The following SLC14A2 variants were observed in gnomAD, a reference collection of about 807,000 sequenced individuals.
The protein encoded by SLC14A2 is urea transporter 2.
A neutral mutation model predicts 104.6 loss-of-function variants in SLC14A2; 91 were observed. That is an observed-to-expected ratio of 0.87 (90% CI 0.73 to 1.04). The LOEUF is 1.04. Among genes scored for constraint, SLC14A2 ranks in the 50% least tolerant of loss-of-function variants. The probability of loss-of-function intolerance (pLI) is 0.00; values close to 1 mark genes in which losing one functional copy is unlikely to be tolerated. For missense variants in SLC14A2, 1,189 were observed against 1,156.0 expected (o/e 1.03, Z -0.41); for synonymous variants, 476 against 466.4 (o/e 1.02, Z -0.27).
intron 1 of SLC14A2, among the ~76,000 whole-genome samples, chr18:45,424,741 T>C (rs1427982678): frequency 2.0e-5 from 3 of 152,236 alleles, no homozygotes; most frequent in Non-Finnish European, 4.4e-5. Context: ...TCAAGATTTA[T>C]CGTTTATGGG....
chr18:45,236,888 C>T (rs1305704950), intron 1 of SLC14A2, among the ~76,000 whole-genome samples: 1 of 152,092 alleles, frequency 6.6e-6, no homozygotes, highest in South Asian at 2.1e-4. Context: ...GCAGAGTCAA[C>T]CAATGTCTGT....
the SLC14A2 span, chr18:45,181,309 G>A: frequency 6.6e-6 from 1 of 152,194 alleles, no homozygotes; most frequent in South Asian, 2.1e-4. Context: ...ACACTCTATG[G>A]GGTAACCTGC....
intron 1 of SLC14A2, among the ~76,000 whole-genome samples, chr18:45,217,850 G>A (rs1302173493): frequency 6.6e-6 from 1 of 152,042 alleles, no homozygotes; most frequent in African/African-American, 2.4e-5. Flanking sequence ...CTGCTGTGTT[G>A]CTTTACCTCC....
the SLC14A2 span, among the ~76,000 whole-genome samples, chr18:45,170,157 C>T: frequency 1.3e-5 from 2 of 152,092 alleles, no homozygotes; most frequent in East Asian, 1.9e-4. Flanking sequence ...ACTCTGCTCC[C>T]GAGCATTGTT....
At chr18:45,169,722 C>T in the SLC14A2 span, among the ~76,000 whole-genome samples, 1 of 152,292 alleles carries the variant, frequency 6.6e-6, no homozygotes, top group African/African-American at 2.4e-5. Context: ...GGCTTCTTTA[C>T]CCTAAACACT....
the SLC14A2 span, among the ~76,000 whole-genome samples, chr18:45,196,325 TTCTC>T: frequency 1.2e-3 from 183 of 152,340 alleles, no homozygotes; most frequent in African/African-American, 4.2e-3. Context: ...CTCATTCTCT[TTCTC>T]TCTCATTCAA....
At position 45,682,724 on chromosome 18, in the gene SLC14A2, T is replaced by C. The variant is rs2046330031; in HGVS notation, c.*205T>C. On this transcript the variant is annotated 3_prime_UTR_variant, in exon 20 of 20. Coordinates refer to ENST00000255226, the MANE Select transcript of SLC14A2 (RefSeq NM_007163.4). The stretch of plus-strand genomic sequence containing the variant: ...ATCAAAGATATGTTTAGTTTAGACT[T>C]TATACCCTTAGCTTTCCCATAAGAG... 3.6e-6 allele frequency: 2 copies of C among 557,868 alleles called. No individual in the cohort carries two copies. The highest frequency in any genetic ancestry group is 6.5e-6 in the Non-Finnish European group (2 of 310,008). 34.6% of individuals were successfully genotyped at this position (557,868 alleles called of 1,614,324 possible).
At chr18:45,674,662 C>T (rs1019216681) in intron 18 of SLC14A2, among the ~76,000 whole-genome samples, 2 of 151,988 alleles carry the variant, frequency 1.3e-5, no homozygotes, top group Admixed American at 1.3e-4. Flanking sequence ...AGCCATTCAC[C>T]TAACACCCAC....
chr18:45,265,569 G>C (rs941212949), intron 1 of SLC14A2, among the ~76,000 whole-genome samples: 1 of 152,200 alleles, frequency 6.6e-6, no homozygotes, highest in Non-Finnish European at 1.5e-5. Flanking sequence ...CACTTGGCTT[G>C]AGAGAGCACC....
intron 5 of SLC14A2, 119 bp downstream of exon 5, chr18:45,632,597 G>A: frequency 2.7e-6 from 3 of 1,097,354 alleles, no homozygotes; most frequent in South Asian, 1.5e-5. Flanking sequence ...AGCCAAGTTA[G>A]CTTGTCTGAC....
the SLC14A2 span, among the ~76,000 whole-genome samples, chr18:45,189,205 T>C: frequency 6.6e-5 from 10 of 152,220 alleles, no homozygotes; most frequent in African/African-American, 2.4e-4. Flanking sequence ...AAAGATTACA[T>C]GCTTGAGCTT....
chr18:45,486,507 A>C (rs1271437327), intron 2 of SLC14A2, among the ~76,000 whole-genome samples: 1 of 152,230 alleles, frequency 6.6e-6, no homozygotes, highest in East Asian at 1.9e-4. Context: ...ATAACCAAAA[A>C]ATAAAAATGT....
intron 1 of SLC14A2, among the ~76,000 whole-genome samples, chr18:45,217,246 A>G (rs2143982131): frequency 6.7e-6 from 1 of 148,560 alleles, no homozygotes; most frequent in South Asian, 2.1e-4. Context: ...CAAGTTATAT[A>G]TCTATTATAT....
At chr18:45,446,399 C>G (rs545610586) in intron 1 of SLC14A2, among the ~76,000 whole-genome samples, 1 of 152,152 alleles carries the variant, frequency 6.6e-6, no homozygotes, top group Non-Finnish European at 1.5e-5. Context: ...CTCTCTCTTT[C>G]CACCACATAA....
At chr18:45,609,635 G>C (rs2044936797) in intron 2 of SLC14A2, among the ~76,000 whole-genome samples, 1 of 152,134 alleles carries the variant, frequency 6.6e-6, no homozygotes, top group Non-Finnish European at 1.5e-5. Flanking sequence ...TTCCCATCAG[G>C]GTTGGGCAAA....
intron 2 of SLC14A2, among the ~76,000 whole-genome samples, chr18:45,609,006 C>T (rs1004722301): frequency 6.6e-6 from 1 of 152,128 alleles, no homozygotes; most frequent in Non-Finnish European, 1.5e-5. Context: ...CCTAGTGTTG[C>T]TTCTCAGGGA....
chr18:45,452,696 G>A (rs1440055516), intron 1 of SLC14A2, among the ~76,000 whole-genome samples: 1 of 152,166 alleles, frequency 6.6e-6, no homozygotes, highest in Non-Finnish European at 1.5e-5. Flanking sequence ...TGGCTCCTGG[G>A]ACAGCCACTC....
chr18:45,534,485 T>G (rs1234545977), intron 2 of SLC14A2, among the ~76,000 whole-genome samples: 1 of 152,134 alleles, frequency 6.6e-6, no homozygotes, highest in Non-Finnish European at 1.5e-5. Context: ...GCCTCTGAGC[T>G]TCTTCATTTT....
intron 10 of SLC14A2, among the ~76,000 whole-genome samples, chr18:45,659,150 G>A (rs977700038): frequency 6.6e-6 from 1 of 152,216 alleles, no homozygotes; most frequent in Admixed American, 6.5e-5. Flanking sequence ...AGGTTTTCCA[G>A]GACATGCGTG....
Sources: allele counts gnomAD v4.1 joint callset (sites outside exome capture counted in the v4.1 genomes callset), GRCh38; gene constraint gnomAD v4.1.1; transcripts MANE v1.5; gene names NCBI Gene and HGNC (gene_info 2026-07-23, HGNC 2026-07-21).